The following PTPRK variants were observed in gnomAD, a reference collection of about 807,000 sequenced individuals.
PTPRK encodes protein tyrosine phosphatase receptor type K.
A neutral mutation model predicts 178.0 loss-of-function variants in PTPRK; 75 were observed. That is an observed-to-expected ratio of 0.42 (90% CI 0.35 to 0.51). The LOEUF (loss-of-function observed/expected upper bound fraction) is 0.51. Ranked by LOEUF, PTPRK falls within the 20% of genes least tolerant of loss-of-function variation. PTPRK has a pLI of 0.02. For synonymous variants in PTPRK, 637 were observed against 620.6 expected, an observed-to-expected ratio of 1.03 and a Z score of -0.39; for missense variants, 1,441 against 1,797.8, an observed-to-expected ratio of 0.80 and a Z score of 3.59.
intron 13 of PTPRK, among the ~76,000 whole-genome samples, chr6:128,043,582 C>A (rs1027956609): frequency 6.6e-6 from 1 of 151,404 alleles, no homozygotes; most frequent in African/African-American, 2.4e-5. Flanking sequence ...AATTTGAAAC[C>A]AAAGGTTAAG....
chr6:128,105,299 A>AT (rs1319250630), intron 7 of PTPRK, among the ~76,000 whole-genome samples: 13 of 151,626 alleles, frequency 8.6e-5, no homozygotes, highest in African/African-American at 1.7e-4. Context: ...ACGCCCTGCT[A>AT]TTTTTTTGTA....
At chr6:128,049,102 C>T (rs970212886) in intron 13 of PTPRK, among the ~76,000 whole-genome samples, 3 of 152,176 alleles carry the variant, frequency 2.0e-5, no homozygotes, top group East Asian at 3.9e-4. Flanking sequence ...ACCATAAATA[C>T]TATGTTCAAA....
At chr6:128,298,418 C>T (rs1480653079) in intron 3 of PTPRK, among the ~76,000 whole-genome samples, 1 of 148,482 alleles carries the variant, frequency 6.7e-6, no homozygotes, top group African/African-American at 2.6e-5. Flanking sequence ...CGGGCAGAGA[C>T]ACAACCAAAA....
At chr6:128,142,593 G>A (rs554030037) in intron 7 of PTPRK, among the ~76,000 whole-genome samples, 14 of 151,618 alleles carry the variant, frequency 9.2e-5, no homozygotes, top group Middle Eastern at 6.8e-3. Context: ...TCACAGACAT[G>A]TCTCCTCCAA....
intron 1 of PTPRK, among the ~76,000 whole-genome samples, chr6:128,460,545 A>C (rs1243855249): frequency 1.3e-5 from 2 of 148,626 alleles, no homozygotes; most frequent in Non-Finnish European, 3.0e-5. Context: ...ACCTGTCTTT[A>C]AAAAAAAAAG....
intron 1 of PTPRK, among the ~76,000 whole-genome samples, chr6:128,416,722 T>A (rs190877250): frequency 3.3e-5 from 5 of 151,032 alleles, no homozygotes; most frequent in African/African-American, 1.2e-4. Context: ...ATGCTGAGTA[T>A]CCTGTATTGC....
chr6:128,156,220 T>C (rs1243426855), intron 7 of PTPRK, among the ~76,000 whole-genome samples: 3 of 151,860 alleles, frequency 2.0e-5, no homozygotes, highest in Non-Finnish European at 4.4e-5. Context: ...AAACAAAAAA[T>C]ATGGAATTTC....
At chr6:128,507,843 C>A (rs1411905168) in intron 1 of PTPRK, among the ~76,000 whole-genome samples, 7 of 152,130 alleles carry the variant, frequency 4.6e-5, no homozygotes, top group Admixed American at 3.9e-4. Context: ...TGACAGCAAA[C>A]CTCCAGAAAA....
intron 7 of PTPRK, among the ~76,000 whole-genome samples, chr6:128,141,008 A>T (rs966069582): frequency 3.3e-5 from 5 of 151,874 alleles, no homozygotes; most frequent in African/African-American, 1.2e-4. Flanking sequence ...CTTCTAGTAA[A>T]CCTAATAACT....
At chr6:128,318,283 A>C in intron 3 of PTPRK, among the ~76,000 whole-genome samples, 1 of 152,180 alleles carries the variant, frequency 6.6e-6, no homozygotes, top group South Asian at 2.1e-4. Context: ...TTTAAGCCCC[A>C]ATCTTTTCAG....
At chr6:128,001,323 C>T in intron 15 of PTPRK, 1 of 641,416 alleles carries the variant, frequency 1.6e-6, no homozygotes, top group Non-Finnish European at 2.5e-6. Context: ...GAAGTGATTT[C>T]AGAAACTGCA....
intron 1 of PTPRK, among the ~76,000 whole-genome samples, chr6:128,475,905 C>A (rs1403533919): frequency 6.6e-6 from 1 of 151,994 alleles, no homozygotes. Context: ...ACACGATGTT[C>A]AGTGTCAAGT....
chr6:128,008,708 T>G (rs1333924367), intron 14 of PTPRK, among the ~76,000 whole-genome samples: 2 of 151,150 alleles, frequency 1.3e-5, no homozygotes, highest in Non-Finnish European at 3.0e-5. Flanking sequence ...AATGTTTATA[T>G]TCTTCTCATA....
At chr6:128,077,577 C>G (rs1163804039) in intron 11 of PTPRK, among the ~76,000 whole-genome samples, 1 of 150,066 alleles carries the variant, frequency 6.7e-6, no homozygotes, top group Non-Finnish European at 1.5e-5. Flanking sequence ...ATTCCTTTTA[C>G]ACAAAGAACA....
chr6:127,992,733 T>C, intron 18 of PTPRK, 24 bp from the exon 19 acceptor site: 1 of 1,548,270 alleles, frequency 6.5e-7, no homozygotes, highest in Non-Finnish European at 8.8e-7. Context: ...ACAAATTAGT[T>C]ATCATTTTAC....
chr6:128,004,566 G>C (rs185922262), intron 15 of PTPRK, among the ~76,000 whole-genome samples: 99 of 151,880 alleles, frequency 6.5e-4, no homozygotes, highest in Admixed American at 1.1e-3. Context: ...AGATACTTAA[G>C]AGCATGTAGA....
chr6:128,413,665 T>A (rs1304937162), intron 1 of PTPRK, among the ~76,000 whole-genome samples: 1 of 152,188 alleles, frequency 6.6e-6, no homozygotes, highest in Non-Finnish European at 1.5e-5. Context: ...CCCTATTGAA[T>A]GTAACATAAC....
At chr6:128,259,129 G>C (rs1008059389) in intron 3 of PTPRK, among the ~76,000 whole-genome samples, 1 of 152,100 alleles carries the variant, frequency 6.6e-6, no homozygotes, top group Admixed American at 6.6e-5. Flanking sequence ...TTTTAGCAGT[G>C]CTTCCCAAAT....
intron 7 of PTPRK, among the ~76,000 whole-genome samples, chr6:128,161,946 G>C (rs1227166075): frequency 6.6e-6 from 1 of 151,608 alleles, no homozygotes; most frequent in Non-Finnish European, 1.5e-5. Flanking sequence ...ATGAGGTAGA[G>C]ATCAAGTTAC....
Sources: allele counts gnomAD v4.1 joint callset (sites outside exome capture counted in the v4.1 genomes callset), GRCh38; gene constraint gnomAD v4.1.1; transcripts MANE v1.5; gene names NCBI Gene and HGNC (gene_info 2026-07-23, HGNC 2026-07-21).